The following PAQR5 variants were observed in gnomAD, a reference collection of about 807,000 sequenced individuals.
The protein encoded by PAQR5 is progestin and adipoQ receptor family member 5.
In PAQR5, 20 loss-of-function variants were observed where a neutral mutation model predicts 34.5. The ratio of observed to expected loss-of-function variants is 0.58; its 90% CI spans 0.41 to 0.84. The LOEUF (loss-of-function observed/expected upper bound fraction) is 0.84. PAQR5 is among the 40% of genes least tolerant of loss of function. The probability of loss-of-function intolerance (pLI) is 0.00; values close to 1 mark genes in which losing one functional copy is unlikely to be tolerated. For missense variants in PAQR5, 378 were observed against 412.7 expected (o/e 0.92, Z 0.73); for synonymous variants, 131 against 155.6 (o/e 0.84, Z 1.18).
At chr15:69,300,507 G>A (rs1046396781) in intron 1 of PAQR5, among the ~76,000 whole-genome samples, 26 of 152,084 alleles carry the variant, frequency 1.7e-4, no homozygotes, top group Admixed American at 1.4e-3. Context: ...CCTTACCCAC[G>A]TGGGGCAACA....
At chr15:69,317,011 G>T (rs1344442432) in intron 1 of PAQR5, among the ~76,000 whole-genome samples, 3 of 152,118 alleles carry the variant, frequency 2.0e-5, no homozygotes, top group Admixed American at 1.3e-4. Context: ...GTAGAGATGG[G>T]GTTTCACCAT....
intron 2 of PAQR5, among the ~76,000 whole-genome samples, chr15:69,341,813 A>G (rs1471296637): frequency 6.6e-6 from 1 of 151,200 alleles, no homozygotes; most frequent in Admixed American, 6.6e-5. Context: ...GTGTGGTGGC[A>G]TGTGTCTGTG....
At chr15:69,391,849 G>T (rs1208406719) in intron 6 of PAQR5, 2 of 385,020 alleles carry the variant, frequency 5.2e-6, no homozygotes, top group Non-Finnish European at 1.0e-5. Context: ...CTGAGGTCAG[G>T]AGTTCAAGAC....
At chr15:69,379,747 G>A (rs149103715) in intron 3 of PAQR5, 136 bp from the exon 4 acceptor site, 1,442 of 1,245,944 alleles carry the variant, frequency 1.2e-3, no homozygotes, top group Non-Finnish European at 1.5e-3. Flanking sequence ...AGAGAGTGAG[G>A]GGAACAGCTT....
chr15:69,305,502 G>A (rs557135586), intron 1 of PAQR5, among the ~76,000 whole-genome samples: 5 of 152,128 alleles, frequency 3.3e-5, no homozygotes, highest in African/African-American at 9.6e-5. Flanking sequence ...GGTTACATAA[G>A]TCGGGGTGGG....
At chr15:69,348,888 G>A (rs969285637) in intron 2 of PAQR5, among the ~76,000 whole-genome samples, 5 of 152,146 alleles carry the variant, frequency 3.3e-5, no homozygotes, top group African/African-American at 7.2e-5. Flanking sequence ...AGATTTCACC[G>A]TGCCACTCGA....
chr15:69,382,076 C>T (rs555763872), intron 4 of PAQR5, among the ~76,000 whole-genome samples: 1 of 152,112 alleles, frequency 6.6e-6, no homozygotes, highest in Non-Finnish European at 1.5e-5. Flanking sequence ...ACTAGCTATT[C>T]CGAAAAGTGA....
intron 2 of PAQR5, among the ~76,000 whole-genome samples, chr15:69,351,541 A>G (rs921415165): frequency 6.6e-6 from 1 of 152,272 alleles, no homozygotes; most frequent in African/African-American, 2.4e-5. Context: ...TGGCAAGGCC[A>G]ACAATACACC....
intron 2 of PAQR5, 80 bp from the exon 3 acceptor site, chr15:69,359,886 T>C: frequency 1.8e-6 from 1 of 571,340 alleles, no homozygotes; most frequent in Non-Finnish European, 3.1e-6. Flanking sequence ...ATATGTTCAA[T>C]AGTTGAACAA....
At chr15:69,371,728 T>G (rs1239905436) in intron 3 of PAQR5, among the ~76,000 whole-genome samples, 1 of 152,192 alleles carries the variant, frequency 6.6e-6, no homozygotes, top group East Asian at 1.9e-4. Context: ...GCGACTCCTT[T>G]GGTTTAGAAA....
chr15:69,313,903 G>T (rs575328620), intron 1 of PAQR5, among the ~76,000 whole-genome samples: 2 of 152,230 alleles, frequency 1.3e-5, no homozygotes, highest in South Asian at 4.1e-4. Flanking sequence ...TGGGGGGGCT[G>T]CAAGCTGGAT....
In PAQR5 at chr15:69,403,826, A is replaced by C. The variant is rs745957661; in HGVS notation, c.*4A>C. 1 of 1,613,150 alleles carries C rather than the reference A, an allele frequency of 6.2e-7. No individual in the cohort carries two copies. Among genetic ancestry groups the C allele is most frequent in the Non-Finnish European group, 8.5e-7 (1 of 1,179,822 alleles). On this transcript the variant is annotated 3_prime_UTR_variant, in exon 9 of 9. Transcript: ENST00000395407. ...ATTACATAAAAAAGAAACATGACTCAGACCATAAGCTTTTCATGCCAGATG... is the reference window on the plus strand; with the variant it reads ...ATTACATAAAAAAGAAACATGACTCCGACCATAAGCTTTTCATGCCAGATG...
chr15:69,333,494 G>A (rs2054437617), intron 1 of PAQR5, among the ~76,000 whole-genome samples: 1 of 152,018 alleles, frequency 6.6e-6, no homozygotes, highest in South Asian at 2.1e-4. Flanking sequence ...GCATGCTCTC[G>A]GCCACCTGGA....
At chr15:69,354,362 T>A (rs1377749084) in intron 2 of PAQR5, among the ~76,000 whole-genome samples, 1 of 152,242 alleles carries the variant, frequency 6.6e-6, no homozygotes, top group East Asian at 1.9e-4. Context: ...ACAAATATCC[T>A]TGTGCTTCTC....
At chr15:69,308,379 T>G (rs1438772640) in intron 1 of PAQR5, among the ~76,000 whole-genome samples, 1 of 152,178 alleles carries the variant, frequency 6.6e-6, no homozygotes, top group Non-Finnish European at 1.5e-5. Context: ...AAATGGAGTG[T>G]GTTATGGAAA....
At position 69,317,906 on chromosome 15, in the gene PAQR5, C is replaced by T. The variant is rs146937941; in HGVS notation, c.-277+18850C>T. Among the ~76,000 whole-genome samples, 385 of 152,272 alleles carry T rather than the reference C, an allele frequency of 2.5e-3. 2 individuals are homozygous for T. Among genetic ancestry groups the T allele is most frequent in the African/African-American group, 8.6e-3 (356 of 41,558 alleles). ...GTGCCTCTGCTGTCTCTGGGGACATCGTTCCCTTCTCTGCCAAAGCAAGTC... is the reference window on the plus strand; with the variant it reads ...GTGCCTCTGCTGTCTCTGGGGACATTGTTCCCTTCTCTGCCAAAGCAAGTC... On this transcript the variant is annotated intron_variant, in intron 1 of 8. Transcript: ENST00000395407.
rs1411141996 is a variant in PAQR5 at position 69,335,070 on chromosome 15, C to A, written c.-276-2271C>A. On this transcript the variant is annotated intron_variant, in intron 1 of 8. Transcript: ENST00000395407. ...AAACCCCAACTCTACTGAAAAAATA[C>A]AAAAATTAGCCGGGCCTGTGGCAGG... Among the ~76,000 whole-genome samples, 4 of 151,644 alleles carry A rather than the reference C, an allele frequency of 2.6e-5. 1 individual carries two copies. Among genetic ancestry groups the A allele is most frequent in the Admixed American group, 2.6e-4 (4 of 15,226 alleles).
rs1265150592 is a variant in PAQR5, at chr15:69,402,868, A to G, written c.752-713A>G. ...CCCTAGGCATTGGATTTGTTTTCTC[A>G]CCAACCACCCAGCACGTCCCTGTCC... is the stretch of plus-strand genomic sequence containing the variant. On this transcript the variant is annotated intron_variant, in intron 8 of 8. Coordinates refer to ENST00000395407, the MANE Select transcript of PAQR5 (RefSeq NM_017705.4). 3.9e-5 allele frequency among the ~76,000 whole-genome samples: 6 copies of G among 151,992 alleles called. No homozygotes were observed. In the South Asian group the frequency reaches 1.0e-3, roughly 26 times the overall value.
At chr15:69,403,122 T>C (rs2056685416) in intron 8 of PAQR5, among the ~76,000 whole-genome samples, 1 of 152,254 alleles carries the variant, frequency 6.6e-6, no homozygotes, top group Admixed American at 6.5e-5. Context: ...AGATGAACTT[T>C]GGTGCCTAAT....
Sources: allele counts gnomAD v4.1 joint callset (sites outside exome capture counted in the v4.1 genomes callset), GRCh38; gene constraint gnomAD v4.1.1; transcripts MANE v1.5; gene names NCBI Gene and HGNC (gene_info 2026-07-23, HGNC 2026-07-21).